The following OR14A2 variants were observed in gnomAD, a reference collection of about 807,000 sequenced individuals.
OR14A2 encodes the protein olfactory receptor 14A2.
For synonymous variants in OR14A2, 114 were observed against 58.6 expected, an observed-to-expected ratio of 1.95 and a Z score of -4.32; for missense variants, 237 against 152.9, an observed-to-expected ratio of 1.55 and a Z score of -2.90.
At chr1:247,745,366 T>G in the OR14A2 span, among the ~76,000 whole-genome samples, 1 of 149,204 alleles carries the variant, frequency 6.7e-6, no homozygotes, top group African/African-American at 2.5e-5. Context: ...AGTGAAGGGG[T>G]TAAAAAAAAA....
the OR14A2 span, among the ~76,000 whole-genome samples, chr1:247,743,291 G>T: frequency 5.3e-5 from 8 of 151,938 alleles, no homozygotes; most frequent in Admixed American, 4.6e-4. Context: ...AGAGCACCAT[G>T]CCAGAACACC....
chr1:247,728,952 C>T (rs990282465), upstream of OR14A2, among the ~76,000 whole-genome samples: 5 of 152,036 alleles, frequency 3.3e-5, no homozygotes, highest in Non-Finnish European at 7.4e-5. Context: ...CACATGGTTC[C>T]ATCTCTAGAC....
the OR14A2 span, among the ~76,000 whole-genome samples, chr1:247,743,798 A>G: frequency 6.6e-6 from 1 of 152,302 alleles, no homozygotes; most frequent in African/African-American, 2.4e-5. Context: ...TCATGGAAAC[A>G]TAAGTCTTTA....
chr1:247,734,186 T>C, the OR14A2 span, among the ~76,000 whole-genome samples: 1 of 152,126 alleles, frequency 6.6e-6, no homozygotes. Flanking sequence ...CTAAACTTAC[T>C]GATGCCTTAT....
the OR14A2 span, among the ~76,000 whole-genome samples, chr1:247,738,312 A>G: frequency 5.2e-3 from 787 of 152,302 alleles, 3 homozygotes; most frequent in African/African-American, 0.018. Flanking sequence ...CAACCCTGTA[A>G]TTCCCAAAGG....
At chr1:247,723,786 G>A in exon 1 of OR14A2, 1 of 718,224 alleles carries the variant, frequency 1.4e-6, no homozygotes. Context: ...TGGAATTGTT[G>A]TGGGTTAGGT....
the OR14A2 span, chr1:247,746,835 T>C: frequency 6.6e-6 from 1 of 152,208 alleles, no homozygotes; most frequent in South Asian, 2.1e-4. Context: ...GCATGCCTTC[T>C]CAGGTCCCCT....
exon 1 of OR14A2, chr1:247,723,551 G>T: frequency 1.4e-6 from 1 of 718,200 alleles, no homozygotes; most frequent in Middle Eastern, 2.3e-4. Context: ...CCACAGAAAG[G>T]CATGGAAAAT....
the OR14A2 span, among the ~76,000 whole-genome samples, chr1:247,748,083 T>C: frequency 3.9e-5 from 6 of 152,186 alleles, no homozygotes; most frequent in Non-Finnish European, 8.8e-5. Flanking sequence ...TCTATGAATG[T>C]CATTTTCAAA....
chr1:247,732,160 C>A, the OR14A2 span, among the ~76,000 whole-genome samples: 2 of 151,888 alleles, frequency 1.3e-5, no homozygotes, highest in African/African-American at 4.8e-5. Context: ...AAGTGTTTGG[C>A]CTAACTTTTT....
At chr1:247,730,763 G>A in the OR14A2 span, among the ~76,000 whole-genome samples, 55 of 152,220 alleles carry the variant, frequency 3.6e-4, no homozygotes, top group African/African-American at 1.3e-3. Flanking sequence ...GAACTCTGAT[G>A]TTGGAGGGCC....
At chr1:247,728,802 T>A (rs891356076), upstream of OR14A2, among the ~76,000 whole-genome samples, 3 of 152,136 alleles carry the variant, frequency 2.0e-5, no homozygotes, top group Non-Finnish European at 4.4e-5. Context: ...ACTCATCAGA[T>A]GTCCTTAAGG....
At chr1:247,740,226 C>T in the OR14A2 span, among the ~76,000 whole-genome samples, 14 of 152,140 alleles carry the variant, frequency 9.2e-5, no homozygotes, top group Non-Finnish European at 1.8e-4. Flanking sequence ...GCATTCTCTT[C>T]AGTTAGTTTC....
chr1:247,741,946 G>T, the OR14A2 span, among the ~76,000 whole-genome samples: 1 of 152,062 alleles, frequency 6.6e-6, no homozygotes, highest in African/African-American at 2.4e-5. Context: ...TACCCTCCCC[G>T]CCTTGTTTTC....
At chr1:247,727,544 C>T (rs1246000284), upstream of OR14A2, among the ~76,000 whole-genome samples, 6 of 151,370 alleles carry the variant, frequency 4.0e-5, no homozygotes, top group African/African-American at 1.5e-4. Flanking sequence ...AATTCAAAAG[C>T]TAGCAGAAGG....
At chr1:247,723,854 A>C in exon 1 of OR14A2, 1 of 717,904 alleles carries the variant, frequency 1.4e-6, no homozygotes, top group South Asian at 1.5e-5. Flanking sequence ...AAAAAGGATA[A>C]GTTCTTCAGG....
rs938381912 is a variant in OR14A2, at chr1:247,723,490, A to C, written c.554T>G (p.Ile185Ser). 3 of 717,650 alleles carry C rather than the reference A, an allele frequency of 4.2e-6. No individual in the cohort carries two copies. In the African/African-American group the frequency reaches 5.2e-5, roughly 13 times the overall value. 44.5% of individuals were successfully genotyped at this position (717,650 alleles called of 1,614,324 possible). ...TACCATTAGTGTTTCAGAACAGGAA[A>C]TCCTTAGTAATGAAGGAACATCACA... The change falls in exon 1 of 1, where the codon ATT (isoleucine) becomes AGT (serine). Residue 185 changes from isoleucine (I) to serine (S), a missense_variant. Physicochemically the swap from Ile to Ser is moderately radical, Grantham distance 142 (BLOSUM62 -2). Coordinates refer to ENST00000366485, the Ensembl canonical transcript of OR14A2.
chr1:247,746,531 CA>C, the OR14A2 span: 4 of 152,192 alleles, frequency 2.6e-5, no homozygotes, highest in Non-Finnish European at 4.4e-5. Flanking sequence ...GCATTCTTAA[CA>C]TCGTATAGGA....
upstream of OR14A2, among the ~76,000 whole-genome samples, chr1:247,726,650 G>A (rs1249401844): frequency 6.8e-6 from 1 of 147,582 alleles, no homozygotes. Flanking sequence ...TTCTTCTAGG[G>A]TTTTTATGGT....
Sources: allele counts gnomAD v4.1 joint callset (sites outside exome capture counted in the v4.1 genomes callset), GRCh38; gene constraint gnomAD v4.1.1; transcripts MANE v1.5; gene names NCBI Gene and HGNC (gene_info 2026-07-23, HGNC 2026-07-21).